Variants in TEAD4 observed in about 807,000 individuals in gnomAD.
TEAD4 encodes TEA domain transcription factor 4, also known as transcriptional enhancer factor TEF-3.
TEAD4 carries 36 observed loss-of-function variants against 52.4 expected under a neutral mutation model. That is an observed-to-expected ratio of 0.69 (90% CI 0.53 to 0.91). The LOEUF is 0.91. Ranked by LOEUF, TEAD4 falls within the 40% of genes least tolerant of loss-of-function variation. The probability of loss-of-function intolerance (pLI) is 0.00; values close to 1 mark genes in which losing one functional copy is unlikely to be tolerated. For synonymous variants in TEAD4, 220 were observed against 231.0 expected (o/e 0.95, Z 0.43); for missense variants, 508 against 583.9 (o/e 0.87, Z 1.34).
intron 10 of TEAD4, among the ~76,000 whole-genome samples, chr12:3,031,162 C>T (rs571013340): frequency 6.6e-5 from 10 of 152,348 alleles, no homozygotes; most frequent in Admixed American, 3.9e-4. Flanking sequence ...CTGGCAGTGG[C>T]GCTTCCCAAC....
chr12:3,006,333 A>G (rs901999066), intron 3 of TEAD4, among the ~76,000 whole-genome samples: 2 of 152,144 alleles, frequency 1.3e-5, no homozygotes, highest in African/African-American at 2.4e-5. Flanking sequence ...AAAAACCCCA[A>G]ATCTGGAACA....
At chr12:3,011,169 G>C in intron 4 of TEAD4, 101 bp downstream of exon 4, 1 of 1,213,198 alleles carries the variant, frequency 8.2e-7, no homozygotes. Flanking sequence ...GCAGGCTTTT[G>C]AGGGGCGGCA....
At chr12:2,974,476 C>T (rs1417931413) in intron 2 of TEAD4, among the ~76,000 whole-genome samples, 1 of 152,228 alleles carries the variant, frequency 6.6e-6, no homozygotes, top group Non-Finnish European at 1.5e-5. Flanking sequence ...CCTATGTCCT[C>T]AGAGCCATGG....
intron 10 of TEAD4, among the ~76,000 whole-genome samples, chr12:3,026,383 A>G (rs1008071950): frequency 3.3e-5 from 5 of 152,214 alleles, no homozygotes; most frequent in African/African-American, 1.2e-4. Context: ...CTTTCACATC[A>G]AGGAAGTCTG....
Position 3,021,931 on chromosome 12 carries a change from T to G in TEAD4, c.811T>G (p.Tyr271Asp). Residue 271 changes from tyrosine (Y) to aspartate (D), a missense_variant, in exon 10 of 13, where the codon TAT (tyrosine) becomes GAT (aspartate). Coordinates refer to ENST00000359864, the MANE Select transcript of TEAD4 (RefSeq NM_003213.4). ...CGAAGCCGTGGACATCCGCCAAATCTATGACAAATTCCCGGAGAAAAAGGG... is the reference window on the plus strand; with the variant it reads ...CGAAGCCGTGGACATCCGCCAAATCGATGACAAATTCCCGGAGAAAAAGGG... 1.2e-6 allele frequency: 2 copies of G among 1,614,224 alleles called. No individual in the cohort carries two copies. Among genetic ancestry groups the G allele is most frequent in the Non-Finnish European group, 1.7e-6 (2 of 1,180,038 alleles).
At chr12:3,028,322 G>A (rs1565550711) in intron 10 of TEAD4, among the ~76,000 whole-genome samples, 1 of 152,152 alleles carries the variant, frequency 6.6e-6, no homozygotes, top group East Asian at 1.9e-4. Flanking sequence ...ATATGCTTAT[G>A]TCTGGAATTA....
At position 2,975,187 on chromosome 12, in the gene TEAD4, A is replaced by C. The variant is rs11829286; in HGVS notation, c.-30+15147A>C. Reference sequence around the variant, plus strand: ...TCAACCCTTAAAACAAACAAACAAAAAAAGACTATAATTTTGAGTAGTTTG... The same window carrying C: ...TCAACCCTTAAAACAAACAAACAAACAAAGACTATAATTTTGAGTAGTTTG... On this transcript the variant is annotated intron_variant, in intron 2 of 12. Transcript: ENST00000359864. 4.5e-3 allele frequency among the ~76,000 whole-genome samples: 681 copies of C among 150,424 alleles called. 11 individuals are homozygous for C. The highest frequency in any genetic ancestry group is 0.016 in the African/African-American group (649 of 41,286).
intron 3 of TEAD4, among the ~76,000 whole-genome samples, chr12:3,008,006 G>A (rs1434229571): frequency 3.9e-5 from 6 of 152,110 alleles, no homozygotes; most frequent in Non-Finnish European, 5.9e-5. Flanking sequence ...TTTATTGAGC[G>A]CCTACAATGT....
chr12:2,978,815 A>G (rs754293177), intron 2 of TEAD4, among the ~76,000 whole-genome samples: 2 of 152,190 alleles, frequency 1.3e-5, no homozygotes, highest in Non-Finnish European at 1.5e-5. Context: ...CATGGAAGTG[A>G]AATAACATGA....
At chr12:2,961,424 C>T (rs1043746436) in intron 2 of TEAD4, among the ~76,000 whole-genome samples, 2 of 151,850 alleles carry the variant, frequency 1.3e-5, no homozygotes, top group Admixed American at 1.3e-4. Context: ...GGTTCTCGTC[C>T]TTGCTCCTCC....
Position 2,994,694 on chromosome 12 carries a change from A to G in TEAD4, c.-29-44A>G. 2 of 1,508,356 alleles carry G rather than the reference A, an allele frequency of 1.3e-6. No homozygotes were observed. Among genetic ancestry groups the G allele is most frequent in the Non-Finnish European group, 1.8e-6 (2 of 1,132,326 alleles). The allele number at this position is 1,508,356 out of a possible 1,614,324, so 93.4% of individuals were successfully genotyped here. On this transcript the variant is annotated intron_variant, in intron 2 of 12. Transcript: ENST00000359864. The surrounding 1 kb of genome is among the most constrained non-coding windows in gnomAD (Gnocchi z 4.7). ...AGTGCCTTCATCCCGTGGCCCACGC[A>G]GTTCTTCCACTGCTCACCGGGGCTG...
intron 2 of TEAD4, among the ~76,000 whole-genome samples, chr12:2,984,497 T>C (rs2098236487): frequency 6.6e-6 from 1 of 152,012 alleles, no homozygotes. Context: ...GAGATATTAA[T>C]AAGAGGGAAA....
In TEAD4 at chr12:3,020,787, T is replaced by G; in HGVS notation, c.723+14T>G. 6.4e-7 allele frequency: 1 copy of G among 1,562,324 alleles called. No homozygotes were observed. Among genetic ancestry groups the G allele is most frequent in the Non-Finnish European group, 8.7e-7 (1 of 1,152,608 alleles). On this transcript the variant is annotated intron_variant, in intron 9 of 12. Transcript: ENST00000359864. ...GACCCGGACACGGTAGGTCCTGGCC[T>G]CTGCCTGTCCAGCTCCCTGGTCACC...
At chr12:3,012,718 G>T (rs2098261362) in intron 5 of TEAD4, among the ~76,000 whole-genome samples, 2 of 152,154 alleles carry the variant, frequency 1.3e-5, no homozygotes, top group African/African-American at 4.8e-5. Context: ...GTCTTGCAGG[G>T]CCTCTGCTGA....
rs1427256029 is a variant in TEAD4 at position 2,971,805 on chromosome 12, T to C, written c.-30+11765T>C. 3.5e-5 allele frequency among the ~76,000 whole-genome samples: 5 copies of C among 143,186 alleles called. No individual in the cohort carries two copies. In the Admixed American group the frequency reaches 3.6e-4, roughly 10 times the overall value. The allele number at this position is 143,186 out of a possible 152,430, so 93.9% of individuals were successfully genotyped here. A position where few individuals can be genotyped will look rare whatever the true frequency, so the allele number is the denominator to read the frequency against. On this transcript the variant is annotated intron_variant, in intron 2 of 12. Transcript: ENST00000359864. ...TTTTATTTTTATATCCTTTTTTTTT[T>C]CTTTCTTTCTTTTTTTTTTTTTTTT...
At chr12:3,006,607 C>T (rs888784531) in intron 3 of TEAD4, among the ~76,000 whole-genome samples, 5 of 151,958 alleles carry the variant, frequency 3.3e-5, no homozygotes, top group African/African-American at 1.2e-4. Flanking sequence ...TCACTTGAAC[C>T]TGGGAGGCGG....
intron 2 of TEAD4, among the ~76,000 whole-genome samples, chr12:2,963,039 C>T (rs1393961491): frequency 2.0e-5 from 3 of 152,176 alleles, no homozygotes; most frequent in Non-Finnish European, 4.4e-5. Flanking sequence ...TCTGCTCCGA[C>T]CTGGCAGAAA....
At position 2,960,205 on chromosome 12, in the gene TEAD4, G is replaced by T. The variant is rs567321609; in HGVS notation, c.-30+165G>T. The T allele has an allele frequency of 4.8e-5, 38 of 790,644 alleles. No homozygotes were observed. In the Admixed American group the frequency reaches 1.4e-3, roughly 28 times the overall value. The allele number at this position is 790,644 out of a possible 1,614,324, so 49.0% of individuals were successfully genotyped here. A position where few individuals can be genotyped will look rare whatever the true frequency, so the allele number is the denominator to read the frequency against. On this transcript the variant is annotated intron_variant, in intron 2 of 12. Transcript: ENST00000359864. ...AGCGGCTCCAGGGGCGGGTAAGGGGGGTGGACACTCGGGACTTTGGGGGAA... is the reference window on the plus strand; with the variant it reads ...AGCGGCTCCAGGGGCGGGTAAGGGGTGTGGACACTCGGGACTTTGGGGGAA...
chr12:2,970,994 GC>G (rs1447972421), intron 2 of TEAD4, among the ~76,000 whole-genome samples: 2 of 152,230 alleles, frequency 1.3e-5, no homozygotes, highest in African/African-American at 4.8e-5. Context: ...GCCCAGCACA[GC>G]CAGCTCTCCT....
Sources: allele counts gnomAD v4.1 joint callset (sites outside exome capture counted in the v4.1 genomes callset), GRCh38; gene constraint gnomAD v4.1.1; non-coding constraint Gnocchi (gnomAD v3.1); transcripts MANE v1.5; gene names NCBI Gene and HGNC (gene_info 2026-07-23, HGNC 2026-07-21).